APOBEC1: variants seen among roughly 807,000 people sequenced by gnomAD.
APOBEC1 encodes apolipoprotein B mRNA editing enzyme catalytic subunit 1.
A neutral mutation model predicts 26.3 loss-of-function variants in APOBEC1; 22 were observed. The ratio of observed to expected loss-of-function variants is 0.84; its 90% CI spans 0.60 to 1.19. The LOEUF is 1.19. Ranked by LOEUF, APOBEC1 falls within the 50% of genes most tolerant of loss-of-function variation. The pLI is 0.00. For synonymous variants in APOBEC1, 77 were observed against 95.3 expected, an observed-to-expected ratio of 0.81 and a Z score of 1.12; for missense variants, 253 against 289.0, an observed-to-expected ratio of 0.88 and a Z score of 0.90.
rs1379359091 is a variant in APOBEC1, at chr12:7,652,686, T to C, written c.194A>G (p.Asn65Ser). Residue 65 changes from asparagine (N) to serine (S), a missense_variant, in exon 3 of 5, where the codon AAT (asparagine) becomes AGT (serine). Asn to Ser is a conservative substitution (Grantham distance 46). Coordinates refer to ENST00000229304, the MANE Select transcript of APOBEC1 (RefSeq NM_001644.5). Reference protein sequence around the residue: ...GKNTTNHVEVNFIKKFTSERD... With the variant: ...GKNTTNHVEVSFIKKFTSERD... The stretch of plus-strand genomic sequence containing the variant: ...TTCTGACGTAAATTTTTTTATAAAA[T>C]TAACTTCCACGTGATTGGTGGTGTT... 1 of 1,614,004 alleles carries C rather than the reference T, an allele frequency of 6.2e-7. No homozygotes were observed. Among genetic ancestry groups the C allele is most frequent in the African/African-American group, 1.3e-5 (1 of 74,936 alleles).
intron 1 of APOBEC1, among the ~76,000 whole-genome samples, chr12:7,663,284 A>G (rs955819751): frequency 1.3e-5 from 2 of 152,158 alleles, no homozygotes; most frequent in Non-Finnish European, 2.9e-5. Flanking sequence ...AGTTGTAGAA[A>G]GGACTTGGGC....
chr12:7,666,418 C>A (rs1049656627), upstream of APOBEC1, among the ~76,000 whole-genome samples: 3 of 151,820 alleles, frequency 2.0e-5, no homozygotes, highest in Non-Finnish European at 2.9e-5. Flanking sequence ...CTCAGCCTCC[C>A]GAGTAGCTGG....
chr12:7,669,742 C>T (rs772337077), upstream of APOBEC1, among the ~76,000 whole-genome samples: 1 of 151,976 alleles, frequency 6.6e-6, no homozygotes, highest in African/African-American at 2.4e-5. Flanking sequence ...TTGTTGTTAC[C>T]AGTTTACATT....
chr12:7,656,479 C>T (rs758374388), intron 1 of APOBEC1, among the ~76,000 whole-genome samples: 4 of 152,268 alleles, frequency 2.6e-5, no homozygotes, highest in Admixed American at 2.0e-4. Flanking sequence ...GGCAAAACCA[C>T]GTCCTCCATT....
At chr12:7,661,201 G>A (rs527453477) in intron 1 of APOBEC1, among the ~76,000 whole-genome samples, 1,109 of 105,906 alleles carry the variant, frequency 0.01, 6 homozygotes, top group Non-Finnish European at 0.015. Flanking sequence ...GCGAGACTCC[G>A]TCTCAAAAAA....
chr12:7,665,777 A>ACG, intron 1 of APOBEC1, 80 bp downstream of exon 1: 1 of 1,132,576 alleles, frequency 8.8e-7, no homozygotes, highest in Non-Finnish European at 1.3e-6. Flanking sequence ...ACACACACAC[A>ACG]CACACACACA....
chr12:7,657,063 TGTGTG>T (rs1863725549), intron 1 of APOBEC1, among the ~76,000 whole-genome samples: 1 of 151,730 alleles, frequency 6.6e-6, no homozygotes, highest in African/African-American at 2.4e-5. Context: ...TGTGTGTGTG[TGTGTG>T]TGTGTGTGTG....
At chr12:7,666,396 C>T (rs996588877), upstream of APOBEC1, among the ~76,000 whole-genome samples, 13 of 151,348 alleles carry the variant, frequency 8.6e-5, no homozygotes, top group East Asian at 7.8e-4. Flanking sequence ...CAGGTTCAAG[C>T]GATTCCCCTG....
At chr12:7,650,000 T>G (rs1863617389) in intron 4 of APOBEC1, among the ~76,000 whole-genome samples, 1 of 151,934 alleles carries the variant, frequency 6.6e-6, no homozygotes, top group African/African-American at 2.4e-5. Flanking sequence ...GTGTTTTTGT[T>G]GAGATGTGGT....
chr12:7,668,087 A>C (rs943574906), upstream of APOBEC1, among the ~76,000 whole-genome samples: 2 of 152,124 alleles, frequency 1.3e-5, no homozygotes, highest in African/African-American at 4.8e-5. Flanking sequence ...CAGTCTAATC[A>C]CAGGGTCCTT....
At chr12:7,669,741 C>A (rs1398953123), upstream of APOBEC1, among the ~76,000 whole-genome samples, 2 of 151,874 alleles carry the variant, frequency 1.3e-5, no homozygotes, top group Non-Finnish European at 2.9e-5. Flanking sequence ...ATTGTTGTTA[C>A]CAGTTTACAT....
At chr12:7,652,939 T>A in intron 2 of APOBEC1, 104 bp from the exon 3 acceptor site, 1 of 1,029,652 alleles carries the variant, frequency 9.7e-7, no homozygotes, top group South Asian at 3.9e-5. Flanking sequence ...TATTTTATTT[T>A]ATTTTTTTAA....
chr12:7,669,985 C>T (rs912684911), upstream of APOBEC1, among the ~76,000 whole-genome samples: 4 of 151,424 alleles, frequency 2.6e-5, no homozygotes, highest in Non-Finnish European at 5.9e-5. Context: ...ACCTCGCCCA[C>T]CTCCCACCCA....
At chr12:7,669,035 A>C (rs4883424), upstream of APOBEC1, among the ~76,000 whole-genome samples, 151,398 of 152,236 alleles carry the variant, frequency 0.99, 75,285 homozygotes, top group Middle Eastern at 1. Context: ...CCTGGCCAGC[A>C]CCCCCCAATT....
chr12:7,657,952 G>A (rs1863738871), intron 1 of APOBEC1, among the ~76,000 whole-genome samples: 1 of 152,102 alleles, frequency 6.6e-6, no homozygotes, highest in East Asian at 1.9e-4. Flanking sequence ...TCCTGGAAAA[G>A]AATTGAAGTC....
At chr12:7,670,142 C>T (rs1001140694), upstream of APOBEC1, among the ~76,000 whole-genome samples, 4 of 138,128 alleles carry the variant, frequency 2.9e-5, no homozygotes, top group African/African-American at 1.1e-4. Flanking sequence ...TGCCACCATG[C>T]CTGGCTGATT....
chr12:7,655,186 G>T (rs1863696080), intron 1 of APOBEC1, among the ~76,000 whole-genome samples: 1 of 151,690 alleles, frequency 6.6e-6, no homozygotes, highest in East Asian at 1.9e-4. Flanking sequence ...TCCAGCCTGG[G>T]CAAAAGAGCA....
At chr12:7,651,165 C>T in intron 3 of APOBEC1, 24 bp from the exon 4 acceptor site, 1 of 1,521,510 alleles carries the variant, frequency 6.6e-7, no homozygotes, top group Non-Finnish European at 9.1e-7. Context: ...AATCTTGGCT[C>T]ATTCAACAAG....
chr12:7,651,901 A>G (rs1474545486), intron 3 of APOBEC1, among the ~76,000 whole-genome samples: 1 of 151,394 alleles, frequency 6.6e-6, no homozygotes, highest in African/African-American at 2.4e-5. Flanking sequence ...GCTCACTGCA[A>G]GCTCCGCCTC....
Sources: gnomAD v4.1 joint callset for allele counts (sites outside exome capture counted in the v4.1 genomes callset) on GRCh38, gnomAD v4.1.1 for gene constraint, MANE v1.5 for transcripts, NCBI Gene and HGNC (gene_info 2026-07-23, HGNC 2026-07-21) for gene names.